MYO9B: variants seen among roughly 807,000 people sequenced by gnomAD.
MYO9B encodes myosin IXB.
MYO9B carries 71 observed loss-of-function variants against 229.5 expected under a neutral mutation model. The ratio of observed to expected loss-of-function variants is 0.31; its 90% confidence interval spans 0.26 to 0.38. The LOEUF (loss-of-function observed/expected upper bound fraction) is 0.38, where lower values mean the gene tolerates loss of function less well. Among genes scored for constraint, MYO9B ranks in the 10% least tolerant of loss-of-function variants. The pLI is 1.00. For missense variants in MYO9B, 2,255 were observed against 2,920.5 expected (o/e 0.77, Z 5.25); for synonymous variants, 1,185 against 1,235.8 (o/e 0.96, Z 0.86).
intron 18 of MYO9B, among the ~76,000 whole-genome samples, chr19:17,187,468 T>C (rs2072930940): frequency 6.6e-6 from 1 of 150,958 alleles, no homozygotes; most frequent in African/African-American, 2.4e-5. Flanking sequence ...CAAGCTCTCC[T>C]CTCCACCGAA....
rs1223797252 is a variant in MYO9B at position 17,201,916 on chromosome 19, C to T, written c.4564-10C>T. ...TGAGGCACGCAGGGTCAGTTCCTCT[C>T]CCCTTCCAGATAAATGACCTCCGTT... On this transcript the variant is annotated splice_polypyrimidine_tract_variant and intron_variant, in intron 26 of 39. Transcript: ENST00000682292. The T allele has an allele frequency of 6.2e-7, 1 of 1,607,664 alleles. No individual in the cohort carries two copies. Among genetic ancestry groups the T allele is most frequent in the African/African-American group, 1.3e-5 (1 of 74,740 alleles).
At position 17,212,020 on chromosome 19, in the gene MYO9B, A is replaced by C. The variant is rs780065513; in HGVS notation, c.6184A>C (p.Thr2062Pro). ...VTVRVKTPRR[T>P]PIMPTANIKL... ...GGTCAGAGTGAAGACCCCCCGGCGGACCCCCATCATGCCCACGGCCAACAT... is the reference window on the plus strand; with the variant it reads ...GGTCAGAGTGAAGACCCCCCGGCGGCCCCCCATCATGCCCACGGCCAACAT... Residue 2062 changes from threonine (T) to proline (P), a missense_variant, in exon 40 of 40, where the codon ACC becomes CCC. By Grantham distance (38) the Thr-to-Pro change is conservative. Around this residue, in one of 7 missense-constraint regions of MYO9B, gnomAD observed 331 missense variants for 332.5 expected, o/e 1.00. Transcript: ENST00000682292. This position sits in a 1 kb window ranked among gnomAD's most constrained non-coding sequence, Gnocchi z 5.4. 6.2e-6 allele frequency: 9 copies of C among 1,448,820 alleles called. No individual in the cohort carries two copies. Among genetic ancestry groups the C allele is most frequent in the Non-Finnish European group, 8.3e-6 (9 of 1,080,922 alleles). The allele number at this position is 1,448,820 out of a possible 1,614,324, so 89.7% of individuals were successfully genotyped here.
At position 17,122,969 on chromosome 19, in the gene MYO9B, G is replaced by A. The variant is rs1426013381; in HGVS notation, c.840+20412G>A. On this transcript the variant is annotated intron_variant, in intron 2 of 39. Transcript: ENST00000682292. ...AATTAAACAGGCGTGGTGGTGCAAG[G>A]TGGTGCTACTCAAGAGGTTGAGGTG... 2.0e-5 allele frequency among the ~76,000 whole-genome samples: 3 copies of A among 152,106 alleles called. No homozygotes were observed. The East Asian group carries it at 5.8e-4, about 29-fold the overall frequency.
intron 1 of MYO9B, among the ~76,000 whole-genome samples, chr19:17,098,045 A>AC (rs10602502): frequency 0.014 from 1,801 of 132,484 alleles, 35 homozygotes; most frequent in African/African-American, 0.034. Context: ...ATCCTTCAGA[A>AC]CCCCCCCCCC....
intron 14 of MYO9B, 80 bp downstream of exon 14, chr19:17,175,821 A>G (rs2072780560): frequency 1.1e-6 from 1 of 878,748 alleles, no homozygotes; most frequent in Admixed American, 3.4e-5. Context: ...GGAATGCTAC[A>G]TTCTTTTTTT....
At chr19:17,081,836 G>T (rs1015784851) in intron 1 of MYO9B, among the ~76,000 whole-genome samples, 2 of 149,974 alleles carry the variant, frequency 1.3e-5, no homozygotes, top group Admixed American at 1.3e-4. Flanking sequence ...AAAAAGAGGC[G>T]AGGACCCAGC....
intron 1 of MYO9B, among the ~76,000 whole-genome samples, chr19:17,100,377 G>A (rs537597931): frequency 6.6e-6 from 1 of 151,556 alleles, no homozygotes; most frequent in African/African-American, 2.4e-5. Context: ...GGAGGCTGAG[G>A]CAGAAGAATT....
chr19:17,104,212 G>A (rs150216129), intron 2 of MYO9B, among the ~76,000 whole-genome samples: 1 of 152,324 alleles, frequency 6.6e-6, no homozygotes, highest in Non-Finnish European at 1.5e-5. Flanking sequence ...CAGGGTGGAA[G>A]GAAGCCAGCA....
At chr19:17,156,013 C>G (rs2072532833) in intron 6 of MYO9B, among the ~76,000 whole-genome samples, 1 of 140,542 alleles carries the variant, frequency 7.1e-6, no homozygotes, top group African/African-American at 2.6e-5. Flanking sequence ...GAGCAAGACT[C>G]TGTCTCAAAA....
At chr19:17,206,887 C>T (rs1473186893) in intron 34 of MYO9B, 103 bp downstream of exon 34, 17 of 1,280,418 alleles carry the variant, frequency 1.3e-5, no homozygotes, top group South Asian at 1.3e-4. Context: ...GTGGTGGTTT[C>T]GAACCAGGAT....
chr19:17,203,606 C>G (rs1173614765), intron 30 of MYO9B, among the ~76,000 whole-genome samples: 2 of 121,498 alleles, frequency 1.6e-5, no homozygotes, highest in Non-Finnish European at 3.3e-5. Flanking sequence ...GAGCAAGACT[C>G]TGTCTCAAAA....
At chr19:17,111,669 G>C (rs758153710) in intron 2 of MYO9B, among the ~76,000 whole-genome samples, 1 of 152,080 alleles carries the variant, frequency 6.6e-6, no homozygotes, top group Non-Finnish European at 1.5e-5. Flanking sequence ...GCAAAAGTGT[G>C]CAATTCAGTG....
intron 26 of MYO9B, 106 bp downstream of exon 26, chr19:17,200,935 A>C: frequency 5.4e-6 from 7 of 1,287,398 alleles, no homozygotes; most frequent in Admixed American, 2.0e-5. Context: ...TTAGCAGGTC[A>C]AGAATACAAA....
intron 1 of MYO9B, among the ~76,000 whole-genome samples, chr19:17,100,646 C>T (rs969282645): frequency 6.6e-6 from 1 of 152,100 alleles, no homozygotes; most frequent in Non-Finnish European, 1.5e-5. Context: ...GGACAGCTAG[C>T]TCCTCAGTCT....
At chr19:17,190,940 C>T (rs756908710) in intron 19 of MYO9B, among the ~76,000 whole-genome samples, 157 bp from the exon 20 acceptor site, 19 of 152,162 alleles carry the variant, frequency 1.2e-4, no homozygotes. Flanking sequence ...CCACCACACC[C>T]GGCCCAGACT....
At chr19:17,121,042 A>G (rs527612532) in intron 2 of MYO9B, among the ~76,000 whole-genome samples, 2 of 152,302 alleles carry the variant, frequency 1.3e-5, no homozygotes. Flanking sequence ...TCCCGGACTC[A>G]AGCGATCCTC....
intron 1 of MYO9B, among the ~76,000 whole-genome samples, chr19:17,093,285 C>G (rs1236572660): frequency 6.6e-6 from 1 of 151,774 alleles, no homozygotes; most frequent in African/African-American, 2.4e-5. Context: ...GAGCCAAGAT[C>G]GTGCCACTGC....
intron 33 of MYO9B, 57 bp downstream of exon 33, chr19:17,206,433 C>T (rs897357605): frequency 9.5e-6 from 15 of 1,584,420 alleles, no homozygotes; most frequent in East Asian, 4.5e-5. Flanking sequence ...ATACAGCGTT[C>T]GCTGTGACCA....
rs1001597023 is a variant in MYO9B at position 17,186,021 on chromosome 19, T to C, written c.2577+20T>C. Reference sequence around the variant, plus strand: ...GAAAAGGTGAGTTTCTCTAAGGTGTTTGGGAGGAGAAGGCCCATGCCGGAC... The same window carrying C: ...GAAAAGGTGAGTTTCTCTAAGGTGTCTGGGAGGAGAAGGCCCATGCCGGAC... On this transcript the variant is annotated intron_variant, in intron 18 of 39. Transcript: ENST00000682292. The C allele has an allele frequency of 6.2e-7, 1 of 1,610,726 alleles. No homozygotes were observed. The highest frequency in any genetic ancestry group is 1.7e-5 in the Admixed American group (1 of 59,960).
Sources: allele counts gnomAD v4.1 joint callset (sites outside exome capture counted in the v4.1 genomes callset), GRCh38; gene constraint gnomAD v4.1.1; regional missense constraint gnomAD v4.1.1; non-coding constraint Gnocchi (gnomAD v3.1); transcripts MANE v1.5; gene names NCBI Gene and HGNC (gene_info 2026-07-23, HGNC 2026-07-21).